Variants in SAMMSON observed in about 807,000 individuals in gnomAD.
SAMMSON encodes the protein long intergenic non-protein coding RNA 1212.
intron 2 of SAMMSON, among the ~76,000 whole-genome samples, chr3:70,420,202 G>C (rs1368437836): frequency 6.6e-6 from 1 of 152,120 alleles, no homozygotes; most frequent in African/African-American, 2.4e-5. Flanking sequence ...TTAGGTACCT[G>C]GTGGGTTTTC....
intron 7 of SAMMSON, among the ~76,000 whole-genome samples, chr3:70,303,780 C>A (rs1039378424): frequency 6.6e-6 from 1 of 152,056 alleles, no homozygotes; most frequent in African/African-American, 2.4e-5. Context: ...CTCCTGGGTT[C>A]CAGAGATTCT....
intron 4 of SAMMSON, among the ~76,000 whole-genome samples, chr3:70,184,543 T>G (rs374922474): frequency 9.2e-5 from 14 of 152,242 alleles, no homozygotes; most frequent in African/African-American, 2.9e-4. Flanking sequence ...AAATTTTTGA[T>G]AGTTAACACG....
chr3:70,266,994 A>G (rs1256955971), intron 6 of SAMMSON, among the ~76,000 whole-genome samples: 2 of 152,182 alleles, frequency 1.3e-5, no homozygotes, highest in South Asian at 2.1e-4. Flanking sequence ...GAGACTGCCA[A>G]CATTTTCCGG....
chr3:70,351,437 C>T (rs805474), intron 7 of SAMMSON, among the ~76,000 whole-genome samples: 107,363 of 151,862 alleles, frequency 0.71, 38,439 homozygotes, highest in Middle Eastern at 0.78. Flanking sequence ...GTATTAAAAT[C>T]AATAGAATAG....
chr3:70,099,380 A>C (rs984697783), intron 4 of SAMMSON, among the ~76,000 whole-genome samples: 1 of 152,110 alleles, frequency 6.6e-6, no homozygotes, highest in Non-Finnish European at 1.5e-5. Context: ...TGCACTCGGT[A>C]TTGTCAGATT....
intron 4 of SAMMSON, among the ~76,000 whole-genome samples, chr3:70,145,135 C>T (rs1249035038): frequency 1.3e-5 from 2 of 152,064 alleles, no homozygotes; most frequent in Non-Finnish European, 1.5e-5. Context: ...CACAGAAAAC[C>T]CAATGCGATT....
At position 70,022,510 on chromosome 3, in the gene SAMMSON, C is replaced by T. The variant is rs1055866650; in HGVS notation, n.417+8838C>T. Among the ~76,000 whole-genome samples the T allele has an allele frequency of 5.3e-5, 8 of 149,806 alleles. No individual in the cohort carries two copies. In the South Asian group the frequency reaches 6.4e-4, roughly 12 times the overall value. ...AGACAACCAGTTATTTATGAGTCCTCGTGTTTTTTTGGTTCTTTTGGTCTT... is the reference window on the plus strand; with the variant it reads ...AGACAACCAGTTATTTATGAGTCCTTGTGTTTTTTTGGTTCTTTTGGTCTT... On this transcript the variant is annotated intron_variant and non_coding_transcript_variant, in intron 3 of 9. Coordinates refer to ENST00000642114, the Ensembl canonical transcript of SAMMSON.
intron 6 of SAMMSON, among the ~76,000 whole-genome samples, chr3:70,267,232 C>T (rs893461987): frequency 6.6e-6 from 1 of 151,890 alleles, no homozygotes; most frequent in Non-Finnish European, 1.5e-5. Context: ...CTCATTTTTA[C>T]GAAGGGCAGA....
chr3:70,157,071 G>A (rs911252747), intron 4 of SAMMSON, among the ~76,000 whole-genome samples: 1 of 152,002 alleles, frequency 6.6e-6, no homozygotes, highest in Non-Finnish European at 1.5e-5. Context: ...ATATAGTCAT[G>A]GGCTTCTTTG....
intron 4 of SAMMSON, among the ~76,000 whole-genome samples, chr3:70,162,901 G>A (rs947617420): frequency 5.9e-5 from 9 of 151,646 alleles, no homozygotes; most frequent in Non-Finnish European, 1.0e-4. Context: ...CTTCCTCTTT[G>A]TCTCTAGAAA....
chr3:70,333,103 TC>T (rs907337973), intron 7 of SAMMSON, among the ~76,000 whole-genome samples: 1 of 152,164 alleles, frequency 6.6e-6, no homozygotes, highest in Non-Finnish European at 1.5e-5. Context: ...AATTTTTTTT[TC>T]TCTTGTTGCT....
At chr3:70,022,621 C>G (rs761820772) in intron 3 of SAMMSON, among the ~76,000 whole-genome samples, 1 of 151,998 alleles carries the variant, frequency 6.6e-6, no homozygotes, top group African/African-American at 2.4e-5. Flanking sequence ...ATTCCAAAGA[C>G]AATTCTAATT....
intron 9 of SAMMSON, among the ~76,000 whole-genome samples, chr3:70,375,533 G>A (rs1041703839): frequency 1.3e-5 from 2 of 151,984 alleles, no homozygotes; most frequent in Non-Finnish European, 2.9e-5. Context: ...TTGGGAGGGG[G>A]TAAGGGCCAG....
chr3:70,320,879 G>A (rs1306609028), intron 7 of SAMMSON, among the ~76,000 whole-genome samples: 4 of 152,092 alleles, frequency 2.6e-5, no homozygotes, highest in African/African-American at 9.7e-5. Context: ...GGAAAGCAAA[G>A]TAGGCAACTT....
chr3:70,434,342 T>A (rs541224936), intron 2 of SAMMSON, among the ~76,000 whole-genome samples: 1 of 152,344 alleles, frequency 6.6e-6, no homozygotes, highest in East Asian at 1.9e-4. Context: ...AGATCTTAAA[T>A]ATACTTGTTA....
intron 4 of SAMMSON, among the ~76,000 whole-genome samples, chr3:70,146,542 A>T (rs2067549893): frequency 6.6e-6 from 1 of 152,212 alleles, no homozygotes; most frequent in South Asian, 2.1e-4. Flanking sequence ...CACTAGATTA[A>T]TAGCCTAAAT....
intron 7 of SAMMSON, among the ~76,000 whole-genome samples, chr3:70,303,959 A>G (rs1008554677): frequency 1.3e-5 from 2 of 152,220 alleles, no homozygotes; most frequent in African/African-American, 4.8e-5. Context: ...CTGGAATTAC[A>G]GGCATGAGCC....
chr3:70,126,229 T>A (rs2106670798), intron 4 of SAMMSON: 2 of 1,072,270 alleles, frequency 1.9e-6, no homozygotes, highest in African/African-American at 3.1e-5. Context: ...TTCTTTTCTT[T>A]ATCGTCTTCA....
At chr3:70,049,141 A>G (rs188997821) in intron 3 of SAMMSON, among the ~76,000 whole-genome samples, 4 of 152,292 alleles carry the variant, frequency 2.6e-5, no homozygotes, top group South Asian at 4.1e-4. Flanking sequence ...CCTACCAGGT[A>G]GTGGGTACTG....
Sources: gnomAD v4.1 joint callset for allele counts (sites outside exome capture counted in the v4.1 genomes callset) on GRCh38, gnomAD v4.1.1 for gene constraint, MANE v1.5 for transcripts, NCBI Gene and HGNC (gene_info 2026-07-23, HGNC 2026-07-21) for gene names.